TRPS1: variants seen among roughly 807,000 people sequenced by gnomAD.
The protein encoded by TRPS1 is zinc finger transcription factor Trps1.
Under a neutral mutation model 101.2 loss-of-function variants are expected in TRPS1, and 6 were observed. That is an observed-to-expected ratio of 0.06 (90% CI 0.03 to 0.12). TRPS1 has a LOEUF of 0.12. Among genes scored for constraint, TRPS1 ranks in the 10% least tolerant of loss-of-function variants. The probability of loss-of-function intolerance (pLI) is 1.00; values close to 1 mark genes in which losing one functional copy is unlikely to be tolerated. For synonymous variants in TRPS1, 578 were observed against 589.8 expected (o/e 0.98, Z 0.29); for missense variants, 1,363 against 1,567.0 (o/e 0.87, Z 2.20).
At chr8:115,481,961 A>G (rs1814764287) in intron 5 of TRPS1, among the ~76,000 whole-genome samples, 1 of 152,166 alleles carries the variant, frequency 6.6e-6, no homozygotes, top group South Asian at 2.1e-4. Context: ...GTACAAATGA[A>G]CAGAATACAG....
At chr8:115,663,506 T>C (rs1305134897) in intron 1 of TRPS1, among the ~76,000 whole-genome samples, 3 of 151,974 alleles carry the variant, frequency 2.0e-5, no homozygotes, top group Non-Finnish European at 2.9e-5. Flanking sequence ...TAGAAACATT[T>C]TAAAAATTAA....
At chr8:115,438,064 A>G (rs1449108007) in intron 5 of TRPS1, among the ~76,000 whole-genome samples, 4 of 152,192 alleles carry the variant, frequency 2.6e-5, no homozygotes, top group Non-Finnish European at 5.9e-5. Flanking sequence ...CCATCAACAC[A>G]TACACAAGAG....
chr8:115,510,660 A>G (rs1815561056), intron 5 of TRPS1, among the ~76,000 whole-genome samples: 1 of 151,912 alleles, frequency 6.6e-6, no homozygotes, highest in South Asian at 2.1e-4. Flanking sequence ...GCTTTTCCCA[A>G]TGTATTTCAC....
chr8:115,582,698 T>G (rs1817479135), intron 5 of TRPS1, among the ~76,000 whole-genome samples: 1 of 152,144 alleles, frequency 6.6e-6, no homozygotes, highest in African/African-American at 2.4e-5. Flanking sequence ...CTTCCAGAAC[T>G]TGGAACTCAA....
chr8:115,428,220 G>T (rs1045226637), intron 5 of TRPS1, among the ~76,000 whole-genome samples: 1 of 151,924 alleles, frequency 6.6e-6, no homozygotes, highest in Non-Finnish European at 1.5e-5. Flanking sequence ...GAAAGGTGAG[G>T]TTATTTTACC....
chr8:115,434,510 T>C (rs1381096421), intron 5 of TRPS1, among the ~76,000 whole-genome samples: 1 of 152,180 alleles, frequency 6.6e-6, no homozygotes, highest in Non-Finnish European at 1.5e-5. Flanking sequence ...AAAAGTTACC[T>C]TTATCACTTA....
rs559046751 is a variant in TRPS1, at chr8:115,587,064, G to A, written c.2637C>T (p.Leu879=). 9.9e-6 allele frequency: 16 copies of A among 1,614,170 alleles called. No homozygotes were observed. The Admixed American group carries it at 2.5e-4, about 25-fold the overall frequency. The change falls in exon 5 of 7, where the codon CTC becomes CTT. Residue 879 remains leucine (L), a synonymous_variant. Transcript: ENST00000395715. ...APAGGEKSGA[L]PQQYPASGEN... ...CTCCCGATGCAGGATACTGCTGGGG[G>A]AGGGCCCCAGACTTCTCTCCGCCAG...
chr8:115,619,960 C>G lies in TRPS1; in HGVS notation c.138G>C (p.Lys46Asn). 1.2e-6 allele frequency: 2 copies of G among 1,614,168 alleles called. No individual in the cohort carries two copies. Among genetic ancestry groups the G allele is most frequent in the South Asian group, 1.1e-5 (1 of 91,080 alleles). Residue 46 changes from lysine (K) to asparagine (N), a missense_variant, in exon 3 of 7, where the codon AAG becomes AAC. By Grantham distance (94) the Lys-to-Asn change is moderately conservative (BLOSUM62 0). Around this residue, in one of 5 missense-constraint regions of TRPS1, gnomAD observed 1,020 missense variants for 1,073.0 expected, o/e 0.95. Coordinates refer to ENST00000395715, the MANE Select transcript of TRPS1 (RefSeq NM_014112.5). ...TCTGATCTGCAGAAAATTCTTTGTT[C>G]TTTCCAGATACCTTGCTTTCTGTAC... ...PIGTESKVSG[K>N]NKEFSADQMS...
rs906424527 is a variant in TRPS1 at position 115,472,178 on chromosome 8, G to T, written c.2701-53726C>A. ...GGTTCTCAATGAGGGCTCAACCACT[G>T]CAGAAAACATGTGCCTGAACATCCA... On this transcript the variant is annotated intron_variant, in intron 5 of 6. Coordinates refer to ENST00000395715, the MANE Select transcript of TRPS1 (RefSeq NM_014112.5). 2.6e-5 allele frequency among the ~76,000 whole-genome samples: 4 copies of T among 152,346 alleles called. No individual in the cohort carries two copies. The East Asian group carries it at 7.7e-4, about 29-fold the overall frequency.
At chr8:115,563,736 C>A (rs886215114) in intron 5 of TRPS1, among the ~76,000 whole-genome samples, 1 of 151,990 alleles carries the variant, frequency 6.6e-6, no homozygotes, top group Non-Finnish European at 1.5e-5. Context: ...ACTTTAAGTT[C>A]CCAAGCTGTC....
At chr8:115,436,367 C>A (rs1463682196) in intron 5 of TRPS1, among the ~76,000 whole-genome samples, 1 of 152,082 alleles carries the variant, frequency 6.6e-6, no homozygotes, top group African/African-American at 2.4e-5. Flanking sequence ...ATTTTATGCT[C>A]TTTTAAACAA....
In TRPS1 at chr8:115,619,556, T is replaced by G. The variant is rs202001185; in HGVS notation, c.542A>C (p.Gln181Pro). 3.1e-6 allele frequency: 5 copies of G among 1,614,196 alleles called. No homozygotes were observed. In the South Asian group the frequency reaches 5.5e-5, roughly 18 times the overall value. The change falls in exon 3 of 7, where the codon CAG (glutamine) becomes CCG (proline). Residue 181 changes from glutamine to proline, a missense_variant. Transcript: ENST00000395715. ...ACCTTGACAATTGGCTTGACCACTC[T>G]GTGCTTGCCCTGTTTCCTCTGTAGC... Reference protein sequence around the residue: ...PKATEETGQAQSGQANCQGLS... With the variant: ...PKATEETGQAPSGQANCQGLS...
At chr8:115,580,594 TA>T (rs2130426067) in intron 5 of TRPS1, among the ~76,000 whole-genome samples, 1 of 152,206 alleles carries the variant, frequency 6.6e-6, no homozygotes, top group Non-Finnish European at 1.5e-5. Flanking sequence ...AAGCAAAAGA[TA>T]GTTATATAGG....
At chr8:115,462,150 A>C (rs557690200) in intron 5 of TRPS1, among the ~76,000 whole-genome samples, 1 of 152,328 alleles carries the variant, frequency 6.6e-6, no homozygotes, top group East Asian at 1.9e-4. Flanking sequence ...TTACTCTCAA[A>C]GTCTCAACAA....
At chr8:115,588,650 T>A (rs552436183) in intron 4 of TRPS1, among the ~76,000 whole-genome samples, 1 of 152,364 alleles carries the variant, frequency 6.6e-6, no homozygotes, top group Non-Finnish European at 1.5e-5. Context: ...AGTCATATTT[T>A]GTTTAACTAT....
chr8:115,547,265 T>A (rs1816596691), intron 5 of TRPS1, among the ~76,000 whole-genome samples: 2 of 152,064 alleles, frequency 1.3e-5, no homozygotes, highest in South Asian at 2.1e-4. Flanking sequence ...AAAGAATGAC[T>A]CAATTCTCTC....
At chr8:115,516,141 G>T (rs1586354123) in intron 5 of TRPS1, among the ~76,000 whole-genome samples, 2 of 149,978 alleles carry the variant, frequency 1.3e-5, no homozygotes, top group African/African-American at 4.9e-5. Flanking sequence ...TTACCAATGT[G>T]TTAACAATGT....
chr8:115,458,237 C>T (rs1191693756), intron 5 of TRPS1, among the ~76,000 whole-genome samples: 2 of 151,984 alleles, frequency 1.3e-5, no homozygotes, highest in African/African-American at 2.4e-5. Context: ...ATGGTGTTCC[C>T]AAAATAGAGG....
intron 4 of TRPS1, among the ~76,000 whole-genome samples, chr8:115,588,442 C>A (rs2130448561): frequency 6.6e-6 from 1 of 152,228 alleles, no homozygotes; most frequent in African/African-American, 2.4e-5. Context: ...CAAATATATT[C>A]ATTAAAAGGG....
Sources: gnomAD v4.1 joint callset for allele counts (sites outside exome capture counted in the v4.1 genomes callset) on GRCh38, gnomAD v4.1.1 for gene constraint, gnomAD v4.1.1 regional missense constraint, MANE v1.5 for transcripts, NCBI Gene and HGNC (gene_info 2026-07-23, HGNC 2026-07-21) for gene names.